DNAJA1: variants seen among roughly 807,000 people sequenced by gnomAD.
DNAJA1 encodes DnaJ heat shock protein family (Hsp40) member A1, also known as dnaJ homolog subfamily A member 1.
In DNAJA1, 26 loss-of-function variants were observed where a neutral mutation model predicts 47.6. The observed-to-expected ratio is 0.55, with a 90% CI of 0.40 to 0.76. The LOEUF (loss-of-function observed/expected upper bound fraction) is 0.76, where lower values mean the gene tolerates loss of function less well. Ranked by LOEUF, DNAJA1 falls within the 30% of genes least tolerant of loss-of-function variation. The probability of loss-of-function intolerance (pLI) is 0.00; values close to 1 mark genes in which losing one functional copy is unlikely to be tolerated. For synonymous variants in DNAJA1, 165 were observed against 158.4 expected (o/e 1.04, Z -0.31); for missense variants, 315 against 485.0 (o/e 0.65, Z 3.29).
chr9:33,026,665 G>T (rs371269811), intron 2 of DNAJA1, 49 bp downstream of exon 2: 1 of 1,576,022 alleles, frequency 6.3e-7, no homozygotes, highest in Non-Finnish European at 8.6e-7. Flanking sequence ...TTTGCCAGAC[G>T]TATAGTATTT....
chr9:33,028,045 AAAAAAG>A (rs1838902063), intron 3 of DNAJA1, among the ~76,000 whole-genome samples: 2 of 150,412 alleles, frequency 1.3e-5, no homozygotes. Flanking sequence ...AAAAAAAAAA[AAAAAAG>A]ACAAAGTATA....
At chr9:33,032,178 A>G (rs1838971999) in intron 5 of DNAJA1, among the ~76,000 whole-genome samples, 2 of 152,260 alleles carry the variant, frequency 1.3e-5, no homozygotes, top group Admixed American at 6.5e-5. Flanking sequence ...ACATTAACAT[A>G]AGTGGCTGCA....
intron 6 of DNAJA1, among the ~76,000 whole-genome samples, chr9:33,035,973 C>T (rs1839027069): frequency 6.6e-6 from 1 of 152,094 alleles, no homozygotes; most frequent in Admixed American, 6.6e-5. Flanking sequence ...CCTAAATTAT[C>T]TAGGACCCTG....
chr9:33,029,812 CT>C (rs1450229801), intron 3 of DNAJA1, 72 bp from the exon 4 acceptor site: 66 of 1,261,910 alleles, frequency 5.2e-5, no homozygotes, highest in Non-Finnish European at 7.0e-5. Flanking sequence ...TTGCCACATT[CT>C]TTATAGTGCC....
intron 4 of DNAJA1, 75 bp from the exon 5 acceptor site, chr9:33,030,365 A>T: frequency 7.2e-7 from 1 of 1,383,370 alleles, no homozygotes; most frequent in Non-Finnish European, 1.0e-6. Flanking sequence ...AGCATTTAGG[A>T]ATTGTCTTCT....
chr9:33,027,061 A>C (rs975343690), intron 3 of DNAJA1, 71 bp downstream of exon 3: 4 of 1,565,392 alleles, frequency 2.6e-6, no homozygotes, highest in Admixed American at 3.9e-5. Context: ...TTGAGAAATC[A>C]CCCATTTTAA....
chr9:33,036,579 G>T lies in DNAJA1; in HGVS notation c.764G>T (p.Gly255Val), dbSNP rs573374967. The T allele has an allele frequency of 5.6e-6, 9 of 1,605,500 alleles. No individual in the cohort carries two copies. In the South Asian group the frequency reaches 8.9e-5, roughly 16 times the overall value. ...QKDHAVFTRR[G>V]EDLFMCMDIQ... ...ATGTGTCATATTTTATGCAGACGAG[G>T]AGAAGACCTTTTCATGTGTATGGAC... Residue 255 changes from glycine to valine, a missense_variant, in exon 7 of 9, where the codon GGA (glycine) becomes GTA (valine). By Grantham distance (109) the Gly-to-Val change is moderately radical. Coordinates refer to ENST00000330899, the MANE Select transcript of DNAJA1 (RefSeq NM_001539.4).
intron 5 of DNAJA1, among the ~76,000 whole-genome samples, chr9:33,031,857 C>T (rs1838966974): frequency 3.9e-5 from 6 of 152,134 alleles, no homozygotes; most frequent in Non-Finnish European, 8.8e-5. Flanking sequence ...ACTTCCCTAA[C>T]CCATTGGGCT....
chr9:33,028,346 A>T (rs1264664451), intron 3 of DNAJA1, among the ~76,000 whole-genome samples: 2 of 152,208 alleles, frequency 1.3e-5, no homozygotes, highest in African/African-American at 4.8e-5. Flanking sequence ...AATACTGCTT[A>T]TAGGAGTAAA....
Position 33,030,675 on chromosome 9 carries a change from C to G in DNAJA1, c.643+8C>G. ...AAGTTCATATTGACAAAGGTGAGTT[C>G]TGAGTTACTTATTCTGAAGTCTTGA... On this transcript the variant is annotated splice_region_variant and intron_variant, in intron 5 of 8. Coordinates refer to ENST00000330899, the MANE Select transcript of DNAJA1 (RefSeq NM_001539.4). 1 of 1,602,608 alleles carries G rather than the reference C, an allele frequency of 6.2e-7. No homozygotes were observed. The highest frequency in any genetic ancestry group is 8.5e-7 in the Non-Finnish European group (1 of 1,173,206).
intron 3 of DNAJA1, among the ~76,000 whole-genome samples, chr9:33,028,025 C>CAAAAAAAAAAAAAAAAAAAAAAAAAAA (rs144327341): frequency 2.6e-5 from 2 of 77,918 alleles, no homozygotes; most frequent in Admixed American, 1.6e-4. Context: ...ACTCTTGTCT[C>CAAAAAAAAAAAAAAAAAAAAAAAAAAA]AAAAAAAAAA....
chr9:33,033,229 CG>C (rs2119389321), intron 5 of DNAJA1, among the ~76,000 whole-genome samples: 1 of 150,852 alleles, frequency 6.6e-6, no homozygotes, highest in Admixed American at 6.6e-5. Context: ...TTGTATTTTA[CG>C]GACCACATGG....
intron 3 of DNAJA1, among the ~76,000 whole-genome samples, chr9:33,027,661 G>C (rs1339345143): frequency 6.6e-6 from 1 of 151,820 alleles, no homozygotes; most frequent in Non-Finnish European, 1.5e-5. Flanking sequence ...AGACCAGCCT[G>C]GCCAAGATGG....
At chr9:33,026,395 G>A (rs1838850692) in intron 1 of DNAJA1, 80 bp from the exon 2 acceptor site, 2 of 1,484,912 alleles carry the variant, frequency 1.3e-6, no homozygotes, top group East Asian at 2.5e-5. Context: ...ATTTTGCAAA[G>A]AGATTGCTCG....
chr9:33,027,579 G>A (rs959978806), intron 3 of DNAJA1, among the ~76,000 whole-genome samples: 5 of 151,986 alleles, frequency 3.3e-5, no homozygotes, highest in African/African-American at 1.2e-4. Context: ...AACAGGCCGC[G>A]TGCTGTGGCT....
chr9:33,036,449 TGGG>T, intron 6 of DNAJA1, 122 bp from the exon 7 acceptor site: 1 of 570,614 alleles, frequency 1.8e-6, no homozygotes, highest in Non-Finnish European at 3.1e-6. Context: ...ATTTTTACAA[TGGG>T]GGAAGAAAAG....
At position 33,037,128 on chromosome 9, in the gene DNAJA1, G is replaced by A. The variant is rs751918071; in HGVS notation, c.975+13G>A. 6.2e-7 allele frequency: 1 copy of A among 1,605,998 alleles called. No homozygotes were observed. Among genetic ancestry groups the A allele is most frequent in the South Asian group, 1.1e-5 (1 of 89,970 alleles). ...CATCGAATTTAAGGTAAGCTGTAAT[G>A]TACTTTAAGAATACTTGAGAACAAT... On this transcript the variant is annotated intron_variant, in intron 8 of 8. Transcript: ENST00000330899.
intron 3 of DNAJA1, among the ~76,000 whole-genome samples, chr9:33,028,084 C>A (rs1173144667): frequency 6.7e-6 from 1 of 150,240 alleles, no homozygotes; most frequent in African/African-American, 2.5e-5. Flanking sequence ...TTTCCAAGCC[C>A]TTTTTACAGA....
chr9:33,032,637 T>TA lies in DNAJA1; in HGVS notation c.644-1578dup, dbSNP rs1214639515. ...AAGGCATTTGTGCTGTGCCTACTCT[T>TA]ACTCTGTATTCAGGAAAACCTAGCT... On this transcript the variant is annotated intron_variant, in intron 5 of 8. Transcript: ENST00000330899. Among the ~76,000 whole-genome samples, 4 of 152,246 alleles carry TA rather than the reference T, an allele frequency of 2.6e-5. No homozygotes were observed. The South Asian group carries it at 8.3e-4, about 31-fold the overall frequency.
Sources: gnomAD v4.1 joint callset for allele counts (sites outside exome capture counted in the v4.1 genomes callset) on GRCh38, gnomAD v4.1.1 for gene constraint, MANE v1.5 for transcripts, NCBI Gene and HGNC (gene_info 2026-07-23, HGNC 2026-07-21) for gene names.